Variants in ALK observed in about 807,000 individuals in gnomAD.
ALK encodes the protein ALK receptor tyrosine kinase.
A neutral mutation model predicts 163.1 loss-of-function variants in ALK; 74 were observed. That is an observed-to-expected ratio of 0.45 (90% CI 0.38 to 0.55). ALK has a LOEUF of 0.55. Ranked by LOEUF, ALK falls within the 20% of genes least tolerant of loss-of-function variation. ALK has a pLI of 0.00. For missense variants in ALK, 2,063 were observed against 2,105.3 expected (o/e 0.98, Z 0.39); for synonymous variants, 960 against 843.2 (o/e 1.14, Z -2.40).
At chr2:29,229,345 G>A (rs988647532) in intron 15 of ALK, among the ~76,000 whole-genome samples, 1 of 152,216 alleles carries the variant, frequency 6.6e-6, no homozygotes, top group Non-Finnish European at 1.5e-5. Flanking sequence ...CAAAAGCAGG[G>A]GCTGTGCTTG....
At chr2:29,638,379 C>T (rs1350990575) in intron 3 of ALK, among the ~76,000 whole-genome samples, 1 of 152,164 alleles carries the variant, frequency 6.6e-6, no homozygotes, top group African/African-American at 2.4e-5. Flanking sequence ...CCTACCCTAA[C>T]AAGGCTGTGG....
intron 4 of ALK, among the ~76,000 whole-genome samples, chr2:29,446,093 C>T (rs1485238182): frequency 6.0e-4 from 44 of 73,390 alleles, no homozygotes; most frequent in Non-Finnish European, 9.5e-4. Context: ...AGCGAGACTC[C>T]GTCTCAAAAA....
chr2:29,869,129 T>G (rs1666514070), intron 1 of ALK, among the ~76,000 whole-genome samples: 1 of 152,212 alleles, frequency 6.6e-6, no homozygotes, highest in African/African-American at 2.4e-5. Context: ...ACATTTTCAC[T>G]GTACCCTTTT....
At chr2:29,436,432 T>C (rs986646699) in intron 4 of ALK, among the ~76,000 whole-genome samples, 1 of 152,194 alleles carries the variant, frequency 6.6e-6, no homozygotes, top group Admixed American at 6.5e-5. Context: ...TATAACGTCA[T>C]CATCTTTAAG....
At chr2:29,474,912 A>T (rs4666220) in intron 4 of ALK, among the ~76,000 whole-genome samples, 75,389 of 151,962 alleles carry the variant, frequency 0.5, 19,995 homozygotes, top group South Asian at 0.62. Context: ...CCTTTGCTGG[A>T]CGGGGCCTGG....
intron 8 of ALK, among the ~76,000 whole-genome samples, chr2:29,305,720 C>T (rs1041010733): frequency 6.6e-6 from 1 of 152,188 alleles, no homozygotes; most frequent in Non-Finnish European, 1.5e-5. Context: ...GGTCCTCAAC[C>T]TTTCTGACAC....
At chr2:29,421,787 C>T (rs146081988) in intron 4 of ALK, among the ~76,000 whole-genome samples, 9 of 151,680 alleles carry the variant, frequency 5.9e-5, no homozygotes, top group Middle Eastern at 3.4e-3. Context: ...TGTACCTCTG[C>T]CCAGATCGCA....
chr2:29,748,856 G>A (rs528191323), intron 1 of ALK, among the ~76,000 whole-genome samples: 8 of 151,700 alleles, frequency 5.3e-5, no homozygotes, highest in South Asian at 2.1e-4. Flanking sequence ...AGCGATTCTC[G>A]TGCCTCAGCC....
intron 3 of ALK, among the ~76,000 whole-genome samples, chr2:29,590,799 C>T (rs1243322913): frequency 6.6e-6 from 1 of 151,846 alleles, no homozygotes; most frequent in Non-Finnish European, 1.5e-5. Context: ...AGGCCGGGCG[C>T]GGTGGCTCAC....
chr2:29,786,540 A>T (rs1199784618), intron 1 of ALK, among the ~76,000 whole-genome samples: 2 of 152,188 alleles, frequency 1.3e-5, no homozygotes, highest in Non-Finnish European at 2.9e-5. Context: ...AGTTGTGTAG[A>T]GATCACCACG....
At chr2:29,917,839 A>G (rs930613713) in intron 1 of ALK, among the ~76,000 whole-genome samples, 7 of 152,214 alleles carry the variant, frequency 4.6e-5, no homozygotes, top group Non-Finnish European at 8.8e-5. Context: ...CTGCTGAAAA[A>G]TGCTTGGCCA....
intron 1 of ALK, among the ~76,000 whole-genome samples, chr2:29,819,598 C>T (rs972909501): frequency 6.6e-6 from 1 of 152,174 alleles, no homozygotes. Flanking sequence ...AAATTCATTG[C>T]CATAAAAAGT....
chr2:29,606,349 T>C (rs920423822), intron 3 of ALK, among the ~76,000 whole-genome samples: 11 of 152,218 alleles, frequency 7.2e-5, no homozygotes, highest in African/African-American at 2.4e-4. Flanking sequence ...TGGATACCTC[T>C]GGTGTGAATC....
intron 5 of ALK, among the ~76,000 whole-genome samples, chr2:29,367,546 G>A (rs533905666): frequency 1.1e-3 from 173 of 152,334 alleles, no homozygotes; most frequent in Middle Eastern, 3.4e-3. Context: ...GGGCAAGAGA[G>A]GTGACAGGAT....
chr2:29,532,153 T>C (rs1483517872), intron 3 of ALK, 37 bp from the exon 4 acceptor site: 1 of 1,597,228 alleles, frequency 6.3e-7, no homozygotes. Context: ...TGCAGATGTG[T>C]TCAGGTAAGA....
chr2:29,870,306 T>C (rs959006071), intron 1 of ALK, among the ~76,000 whole-genome samples: 1 of 152,118 alleles, frequency 6.6e-6, no homozygotes, highest in Non-Finnish European at 1.5e-5. Context: ...AAACTTACAA[T>C]AGTGGCAGAA....
At chr2:29,315,723 T>C (rs1047451450) in intron 8 of ALK, among the ~76,000 whole-genome samples, 1 of 152,242 alleles carries the variant, frequency 6.6e-6, no homozygotes, top group African/African-American at 2.4e-5. Context: ...ACTCACTTTC[T>C]AGACTTTGCA....
intron 13 of ALK, among the ~76,000 whole-genome samples, chr2:29,238,851 T>C (rs1200732796): frequency 1.3e-5 from 2 of 152,162 alleles, no homozygotes; most frequent in African/African-American, 2.4e-5. Context: ...AACAACTAGA[T>C]TTCAATTGAA....
intron 1 of ALK, among the ~76,000 whole-genome samples, chr2:29,722,615 T>C (rs1358481336): frequency 6.6e-6 from 1 of 152,240 alleles, no homozygotes; most frequent in Non-Finnish European, 1.5e-5. Flanking sequence ...GGGAATTTTC[T>C]GCATCTAAAC....
Sources: gnomAD v4.1 joint callset for allele counts (sites outside exome capture counted in the v4.1 genomes callset) on GRCh38, gnomAD v4.1.1 for gene constraint, MANE v1.5 for transcripts, NCBI Gene and HGNC (gene_info 2026-07-23, HGNC 2026-07-21) for gene names.